Variants in PHC3 observed in about 807,000 individuals in gnomAD.
The protein encoded by PHC3 is polyhomeotic homolog 3, also known as polyhomeotic-like protein 3.
Under a neutral mutation model 107.4 loss-of-function variants are expected in PHC3, and 13 were observed. The ratio of observed to expected loss-of-function variants is 0.12; its 90% CI spans 0.08 to 0.19. PHC3 has a LOEUF of 0.19. Ranked by LOEUF, PHC3 falls within the 10% of genes least tolerant of loss-of-function variation. PHC3 has a pLI of 1.00. For synonymous variants in PHC3, 456 were observed against 427.4 expected, an observed-to-expected ratio of 1.07 and a Z score of -0.83; for missense variants, 992 against 1,210.9, an observed-to-expected ratio of 0.82 and a Z score of 2.68.
chr3:170,162,618 C>T (rs1212560711), intron 4 of PHC3, among the ~76,000 whole-genome samples: 2 of 152,230 alleles, frequency 1.3e-5, no homozygotes, highest in East Asian at 3.8e-4. Flanking sequence ...AATATCTCTC[C>T]ATTTGAATTA....
intron 1 of PHC3, among the ~76,000 whole-genome samples, chr3:170,179,641 GA>G (rs914890079): frequency 3.6e-4 from 55 of 152,214 alleles, no homozygotes; most frequent in African/African-American, 1.3e-3. Flanking sequence ...TCCAGATTTT[GA>G]AAACATAAAT....
rs751299053 is a variant in PHC3, at chr3:170,102,906, C to A, written c.2497G>T (p.Ala833Ser). The change falls in exon 13 of 15, where the codon GCA becomes TCA. Residue 833 changes from alanine to serine, a missense_variant. Around this residue, in one of 6 missense-constraint regions of PHC3, gnomAD observed 228 missense variants for 288.8 expected, o/e 0.79. Transcript: ENST00000495893. The part of the protein sequence containing the change: ...RYNVSCSKKF[A>S]LSRWNRKPDN... ...GGCTTACGATTCCAACGACTAAGTG[C>A]AAATTTTTTAGAACAGCTAACATTG... 1.2e-6 allele frequency: 2 copies of A among 1,613,184 alleles called. No individual in the cohort carries two copies. The highest frequency in any genetic ancestry group is 2.2e-5 in the East Asian group (1 of 44,834).
chr3:170,180,684 C>T (rs772370213), intron 1 of PHC3, among the ~76,000 whole-genome samples: 6 of 151,298 alleles, frequency 4.0e-5, no homozygotes, highest in Non-Finnish European at 8.8e-5. Context: ...TGCTGCCTGT[C>T]ATACTACTAC....
rs1713622690 is a variant in PHC3 at position 170,087,597 on chromosome 3, G to T, written c.*9633C>A. ...TCAATAGACCAGTCAAATGGAAGAG[G>T]CTTTTATTTGTAAAGAAATGAACTT... On this transcript the variant is annotated 3_prime_UTR_variant, in exon 15 of 15. Coordinates refer to ENST00000495893, the MANE Select transcript of PHC3 (RefSeq NM_024947.4). 6.6e-6 allele frequency: 1 copy of T among 151,904 alleles called. No individual in the cohort carries two copies. The highest frequency in any genetic ancestry group is 6.6e-5 in the Admixed American group (1 of 15,252). The allele number at this position is 151,904 out of a possible 1,614,324, so 9.4% of individuals were successfully genotyped here.
intron 2 of PHC3, 109 bp downstream of exon 2, chr3:170,178,664 T>G: frequency 8.2e-7 from 1 of 1,212,340 alleles, no homozygotes. Context: ...GAAACATTAG[T>G]AATTCTAACT....
Position 170,110,035 on chromosome 3 carries a change from C to T in PHC3, c.2354-3089G>A, listed in dbSNP as rs553474303. Among the ~76,000 whole-genome samples, 29 of 152,168 alleles carry T rather than the reference C, an allele frequency of 1.9e-4. No homozygotes were observed. In the South Asian group the frequency reaches 5.4e-3, roughly 28 times the overall value. Reference sequence around the variant, plus strand: ...ATTTCTCCCCTATGAAATATATTATCTCTACATCTTCCTTTCCTTACTCTG... The same window carrying T: ...ATTTCTCCCCTATGAAATATATTATTTCTACATCTTCCTTTCCTTACTCTG... On this transcript the variant is annotated intron_variant, in intron 11 of 14. Coordinates refer to ENST00000495893, the MANE Select transcript of PHC3 (RefSeq NM_024947.4).
At chr3:170,172,469 T>G in intron 3 of PHC3, 88 bp downstream of exon 3, 1 of 1,422,082 alleles carries the variant, frequency 7.0e-7, no homozygotes, top group Non-Finnish European at 9.6e-7. Flanking sequence ...ATCTGAGAAC[T>G]CTGAAATAAT....
In PHC3 at chr3:170,106,891, C is replaced by T; in HGVS notation, c.2409G>A (p.Met803Ile). ...ELLKCEFCGK[M>I]GYANEFLRSK... ...ACCGCAAAAATTCATTAGCATATCC[C>T]ATTTTCCCACAGAATTCACACTTGA... The change falls in exon 12 of 15, where the codon ATG (methionine) becomes ATA (isoleucine). Residue 803 changes from methionine (M) to isoleucine (I), a missense_variant. Met to Ile is a conservative substitution (Grantham distance 10). Transcript: ENST00000495893. 1 of 1,612,352 alleles carries T rather than the reference C, an allele frequency of 6.2e-7. No individual in the cohort carries two copies. The highest frequency in any genetic ancestry group is 8.5e-7 in the Non-Finnish European group (1 of 1,179,294).
At chr3:170,172,962 G>A (rs1222117626) in intron 2 of PHC3, among the ~76,000 whole-genome samples, 1 of 152,178 alleles carries the variant, frequency 6.6e-6, no homozygotes, top group Non-Finnish European at 1.5e-5. Context: ...GGAGGCCGAG[G>A]TGGGCGGATC....
intron 4 of PHC3, among the ~76,000 whole-genome samples, chr3:170,164,718 T>TG (rs1728454440): frequency 6.6e-6 from 1 of 152,106 alleles, no homozygotes; most frequent in Admixed American, 6.6e-5. Flanking sequence ...AACCCACACT[T>TG]GGAGGGTGGA....
chr3:170,159,200 C>A lies in PHC3; in HGVS notation c.415-9956G>T, dbSNP rs546699524. Among the ~76,000 whole-genome samples, 36 of 143,946 alleles carry A rather than the reference C, an allele frequency of 2.5e-4. 1 individual carries two copies. The highest frequency in any genetic ancestry group is 2.0e-3 in the Admixed American group (27 of 13,640). The allele number at this position is 143,946 out of a possible 152,430, so 94.4% of individuals were successfully genotyped here. A position where few individuals can be genotyped will look rare whatever the true frequency, so the allele number is the denominator to read the frequency against. ...CTGGGAGGCGGAGCTTGCAGTGAGC[C>A]GAGATCACGCCACTGCACTCCAGCC... On this transcript the variant is annotated intron_variant, in intron 4 of 14. Transcript: ENST00000495893.
At chr3:170,110,793 A>T (rs1051250253) in intron 11 of PHC3, among the ~76,000 whole-genome samples, 1 of 152,186 alleles carries the variant, frequency 6.6e-6, no homozygotes. Context: ...GGATCACACT[A>T]TATGTTGTAA....
chr3:170,117,584 T>C lies in PHC3; in HGVS notation c.1943-108A>G, dbSNP rs188350013. On this transcript the variant is annotated intron_variant, in intron 9 of 14. Transcript: ENST00000495893. ...TAACAACAGTTAATATCTGGTACTT[T>C]CAAAAACTGTTCTAAGAACCTTAAG... is the stretch of plus-strand genomic sequence containing the variant. 7.6e-5 allele frequency: 86 copies of C among 1,128,658 alleles called. No homozygotes were observed. In the Admixed American group the frequency reaches 1.2e-3, roughly 16 times the overall value. 69.9% of individuals were successfully genotyped at this position (1,128,658 alleles called of 1,614,324 possible).
At position 170,171,421 on chromosome 3, in the gene PHC3, T is replaced by C. The variant is rs201181998; in HGVS notation, c.366A>G (p.Thr122=). 3.1e-6 allele frequency: 5 copies of C among 1,607,096 alleles called. No individual in the cohort carries two copies. Among genetic ancestry groups the C allele is most frequent in the Non-Finnish European group, 4.2e-6 (5 of 1,177,560 alleles). Residue 122 remains threonine, a synonymous_variant, in exon 4 of 15, where the codon ACA becomes ACG. Coordinates refer to ENST00000495893, the MANE Select transcript of PHC3 (RefSeq NM_024947.4). ...GCTGTGTGACACTTCCTGTGGGAGATGTAGATGGTCTTCCACTGGACAAAC... is the reference window on the plus strand; with the variant it reads ...GCTGTGTGACACTTCCTGTGGGAGACGTAGATGGTCTTCCACTGGACAAAC... The part of the protein sequence containing the change: ...QASLSSGRPS[T]SPTGSVTQQS...
At chr3:170,135,008 T>A (rs1722839673) in intron 7 of PHC3, among the ~76,000 whole-genome samples, 1 of 152,054 alleles carries the variant, frequency 6.6e-6, no homozygotes. Flanking sequence ...ACTTGAGAAG[T>A]GAAATAGGTT....
chr3:170,152,224 G>A (rs1487162839), intron 4 of PHC3, among the ~76,000 whole-genome samples: 1 of 151,864 alleles, frequency 6.6e-6, no homozygotes, highest in Admixed American at 6.6e-5. Context: ...AGGCTGGAGT[G>A]CAGTGGTGCG....
At chr3:170,159,808 T>C (rs1477577989) in intron 4 of PHC3, among the ~76,000 whole-genome samples, 2 of 152,176 alleles carry the variant, frequency 1.3e-5, no homozygotes, top group Admixed American at 1.3e-4. Flanking sequence ...AGAAGAATGA[T>C]AATGGAACTA....
At position 170,136,737 on chromosome 3, in the gene PHC3, T is replaced by C. The variant is rs1723139421; in HGVS notation, c.673-72A>G. On this transcript the variant is annotated intron_variant, in intron 6 of 14. Transcript: ENST00000495893. Reference sequence around the variant, plus strand: ...ATTGATGTGGTCATCATTACCATTATGACAATACTGACAACACATTTATAT... The same window carrying C: ...ATTGATGTGGTCATCATTACCATTACGACAATACTGACAACACATTTATAT... 7 of 1,432,316 alleles carry C rather than the reference T, an allele frequency of 4.9e-6. No homozygotes were observed. In the South Asian group the frequency reaches 5.1e-5, roughly 10 times the overall value. The allele number at this position is 1,432,316 out of a possible 1,614,324, so 88.7% of individuals were successfully genotyped here. A position where few individuals can be genotyped will look rare whatever the true frequency, so the allele number is the denominator to read the frequency against.
At position 170,090,587 on chromosome 3, in the gene PHC3, T is replaced by C. The variant is rs116341106; in HGVS notation, c.*6643A>G. 274 of 152,190 alleles carry C rather than the reference T, an allele frequency of 1.8e-3. 2 individuals carry two copies. The highest frequency in any genetic ancestry group is 6.3e-3 in the African/African-American group (260 of 41,510). 9.4% of individuals were successfully genotyped at this position (152,190 alleles called of 1,614,324 possible). On this transcript the variant is annotated 3_prime_UTR_variant, in exon 15 of 15. Coordinates refer to ENST00000495893, the MANE Select transcript of PHC3 (RefSeq NM_024947.4). ...CAAAGACTGTAGGTGACCCAAGAAATGGATGCTTATTAAGTATAAAATGAA... is the reference window on the plus strand; with the variant it reads ...CAAAGACTGTAGGTGACCCAAGAAACGGATGCTTATTAAGTATAAAATGAA...
Sources: gnomAD v4.1 joint callset for allele counts (sites outside exome capture counted in the v4.1 genomes callset) on GRCh38, gnomAD v4.1.1 for gene constraint, gnomAD v4.1.1 regional missense constraint, MANE v1.5 for transcripts, NCBI Gene and HGNC (gene_info 2026-07-23, HGNC 2026-07-21) for gene names.